The following NPEPPS variants were observed in gnomAD, a reference collection of about 807,000 sequenced individuals.
NPEPPS encodes aminopeptidase puromycin sensitive.
A neutral mutation model predicts 115.5 loss-of-function variants in NPEPPS; 14 were observed. That is an observed-to-expected ratio of 0.12 (90% CI 0.08 to 0.19). The LOEUF is 0.19. Among genes scored for constraint, NPEPPS ranks in the 10% least tolerant of loss-of-function variants. The pLI is 1.00. For synonymous variants in NPEPPS, 285 were observed against 390.6 expected (o/e 0.73, Z 3.19); for missense variants, 523 against 1,110.8 (o/e 0.47, Z 7.52).
At chr17:47,570,376 C>T (rs149858893) in intron 3 of NPEPPS, among the ~76,000 whole-genome samples, 17 of 152,256 alleles carry the variant, frequency 1.1e-4, no homozygotes, top group African/African-American at 3.4e-4. Context: ...GAACCGAGAT[C>T]GTGCCACTGC....
chr17:47,622,414 A>C lies in NPEPPS; in HGVS notation c.*494A>C. The stretch of plus-strand genomic sequence containing the variant: ...ATCACATAGTTGGAGTCAGTGCATA[A>C]TTCCAAGTGGCTTTTTTTTTTTTTG... On this transcript the variant is annotated 3_prime_UTR_variant, in exon 23 of 23. Transcript: ENST00000322157. 1 of 165,782 alleles carries C rather than the reference A, an allele frequency of 6.0e-6. No individual in the cohort carries two copies. The highest frequency in any genetic ancestry group is 1.3e-5 in the Non-Finnish European group (1 of 79,616). The allele number at this position is 165,782 out of a possible 1,614,324, so 10.3% of individuals were successfully genotyped here. A position where few individuals can be genotyped will look rare whatever the true frequency, so the allele number is the denominator to read the frequency against.
upstream of NPEPPS, among the ~76,000 whole-genome samples, chr17:47,527,054 C>A (rs1406017790): frequency 2.6e-5 from 4 of 152,210 alleles, no homozygotes; most frequent in Non-Finnish European, 4.4e-5. Flanking sequence ...TAGGTCCTAA[C>A]TGTGGCTCTG....
At chr17:47,596,045 C>A in intron 12 of NPEPPS, 1 of 185,432 alleles carries the variant, frequency 5.4e-6, no homozygotes, top group Non-Finnish European at 1.1e-5. Flanking sequence ...CCCAGCTACT[C>A]AGGAGGCTGA....
intron 12 of NPEPPS, among the ~76,000 whole-genome samples, chr17:47,592,959 G>A (rs951446117): frequency 2.6e-5 from 4 of 151,994 alleles, no homozygotes; most frequent in African/African-American, 9.7e-5. Flanking sequence ...CTGTGTTCAA[G>A]TGTTCTCATT....
intron 3 of NPEPPS, chr17:47,577,197 AC>A (rs1911566668): frequency 2.7e-6 from 2 of 738,586 alleles, no homozygotes; most frequent in African/African-American, 3.6e-5. Context: ...GAGTTTTAAA[AC>A]CACTTTTGTT....
chr17:47,524,925 G>C (rs1907375439), intron 1 of NPEPPS, among the ~76,000 whole-genome samples: 1 of 148,120 alleles, frequency 6.8e-6, no homozygotes, highest in South Asian at 2.1e-4. Context: ...ACTTTTTATT[G>C]ATATATATGG....
At chr17:47,577,657 A>G (rs769951526) in intron 3 of NPEPPS, among the ~76,000 whole-genome samples, 1 of 152,216 alleles carries the variant, frequency 6.6e-6, no homozygotes, top group Admixed American at 6.5e-5. Context: ...AATGTCTTCA[A>G]TTAAGCTTCA....
chr17:47,528,516 C>A (rs553117825), upstream of NPEPPS, among the ~76,000 whole-genome samples: 14 of 152,268 alleles, frequency 9.2e-5, no homozygotes, highest in African/African-American at 3.4e-4. Context: ...GAGCCACTAA[C>A]CACACGTGAC....
chr17:47,578,154 A>G (rs1911639521), intron 3 of NPEPPS, among the ~76,000 whole-genome samples: 2 of 150,656 alleles, frequency 1.3e-5, no homozygotes, highest in Admixed American at 1.3e-4. Flanking sequence ...GTGAGCCGAG[A>G]TCACACCACT....
At chr17:47,588,279 A>G (rs1334381181) in intron 9 of NPEPPS, among the ~76,000 whole-genome samples, 1 of 152,186 alleles carries the variant, frequency 6.6e-6, no homozygotes, top group Non-Finnish European at 1.5e-5. Flanking sequence ...ATATAATTTC[A>G]GGCCGGGCAC....
At chr17:47,560,137 T>C (rs982199307) in intron 2 of NPEPPS, among the ~76,000 whole-genome samples, 1 of 152,186 alleles carries the variant, frequency 6.6e-6, no homozygotes, top group Non-Finnish European at 1.5e-5. Flanking sequence ...TCCAGCTTTT[T>C]TAGTTTTGTG....
chr17:47,545,886 G>T (rs772566141), intron 1 of NPEPPS, 23 bp from the exon 2 acceptor site: 4 of 1,507,426 alleles, frequency 2.7e-6, no homozygotes, highest in Non-Finnish European at 3.6e-6. Context: ...TTCTGACACT[G>T]TTGATTTTCC....
At chr17:47,528,147 CA>C, upstream of NPEPPS, among the ~76,000 whole-genome samples, 1 of 151,232 alleles carries the variant, frequency 6.6e-6, no homozygotes, top group Non-Finnish European at 1.5e-5. Flanking sequence ...ACTAAAAATA[CA>C]AAAATTAGTC....
intron 15 of NPEPPS, chr17:47,602,002 C>G (rs1913229493): frequency 2.6e-6 from 1 of 383,400 alleles, no homozygotes; most frequent in Non-Finnish European, 4.7e-6. Flanking sequence ...TGAGTGTAAG[C>G]ATATATGAAC....
rs561025864 is a variant in NPEPPS at position 47,575,200 on chromosome 17, A to G, written c.419-4190A>G. 3.9e-5 allele frequency among the ~76,000 whole-genome samples: 6 copies of G among 152,360 alleles called. No homozygotes were observed. In the South Asian group the frequency reaches 1.2e-3, roughly 32 times the overall value. On this transcript the variant is annotated intron_variant, in intron 3 of 22. Coordinates refer to ENST00000322157, the MANE Select transcript of NPEPPS (RefSeq NM_006310.4). Reference sequence around the variant, plus strand: ...CTCAGCTCCATTCCTCAACAGAATGAAATGAAATTTTCCTTTCAAAACTAT... The same window carrying G: ...CTCAGCTCCATTCCTCAACAGAATGGAATGAAATTTTCCTTTCAAAACTAT...
intron 19 of NPEPPS, among the ~76,000 whole-genome samples, chr17:47,617,093 A>G (rs1265377151): frequency 6.6e-6 from 1 of 152,204 alleles, no homozygotes; most frequent in Non-Finnish European, 1.5e-5. Flanking sequence ...TAGAGACTAG[A>G]AAAGTATAAA....
intron 19 of NPEPPS, among the ~76,000 whole-genome samples, chr17:47,615,227 G>C (rs1421914266): frequency 6.6e-6 from 1 of 151,718 alleles, no homozygotes; most frequent in East Asian, 1.9e-4. Flanking sequence ...ACAGGCACCC[G>C]CCACCACACC....
At chr17:47,559,179 A>T (rs761820666) in intron 2 of NPEPPS, among the ~76,000 whole-genome samples, 3 of 152,054 alleles carry the variant, frequency 2.0e-5, no homozygotes, top group Non-Finnish European at 2.9e-5. Context: ...GAGTAGCTGG[A>T]ACTACAGATA....
chr17:47,591,397 G>T (rs1478622306), intron 10 of NPEPPS, among the ~76,000 whole-genome samples: 2 of 152,100 alleles, frequency 1.3e-5, no homozygotes, highest in Non-Finnish European at 2.9e-5. Context: ...GAATAGTATG[G>T]GAGAAGTCAT....
Sources: gnomAD v4.1 joint callset for allele counts (sites outside exome capture counted in the v4.1 genomes callset) on GRCh38, gnomAD v4.1.1 for gene constraint, MANE v1.5 for transcripts, NCBI Gene and HGNC (gene_info 2026-07-23, HGNC 2026-07-21) for gene names.